The following SYT1 variants were observed in gnomAD, a reference collection of about 807,000 sequenced individuals.
SYT1 encodes synaptotagmin-1.
Under a neutral mutation model 44.8 loss-of-function variants are expected in SYT1, and 8 were observed. The ratio of observed to expected loss-of-function variants is 0.18; its 90% CI spans 0.10 to 0.32. The LOEUF (loss-of-function observed/expected upper bound fraction) is 0.32, where lower values mean the gene tolerates loss of function less well. SYT1 is among the 10% of genes least tolerant of loss of function. SYT1 has a pLI of 1.00. For synonymous variants in SYT1, 154 were observed against 188.8 expected (o/e 0.82, Z 1.51); for missense variants, 286 against 509.3 (o/e 0.56, Z 4.22).
intron 2 of SYT1, among the ~76,000 whole-genome samples, chr12:79,040,559 C>T (rs1873478831): frequency 6.6e-6 from 1 of 151,954 alleles, no homozygotes; most frequent in South Asian, 2.1e-4. Flanking sequence ...AAAATTTTCT[C>T]CCATTTTGTA....
At chr12:79,002,679 T>C (rs1175867014) in intron 2 of SYT1, among the ~76,000 whole-genome samples, 3 of 152,020 alleles carry the variant, frequency 2.0e-5, no homozygotes, top group African/African-American at 7.2e-5. Context: ...ATTGTGAATC[T>C]AGTTTAGCAT....
chr12:79,048,358 G>T (rs918076563), intron 3 of SYT1, among the ~76,000 whole-genome samples: 2 of 151,674 alleles, frequency 1.3e-5, no homozygotes, highest in Non-Finnish European at 3.0e-5. Context: ...TAGCCCCAAA[G>T]AACTTTGATG....
At chr12:79,362,829 A>T (rs1697921168) in intron 9 of SYT1, among the ~76,000 whole-genome samples, 1 of 152,188 alleles carries the variant, frequency 6.6e-6, no homozygotes, top group African/African-American at 2.4e-5. Context: ...GCACCTTTCT[A>T]CTCAAAAATT....
At chr12:79,277,999 T>C (rs1878830486) in intron 4 of SYT1, among the ~76,000 whole-genome samples, 1 of 151,622 alleles carries the variant, frequency 6.6e-6, no homozygotes, top group South Asian at 2.1e-4. Context: ...ACATCAGAGC[T>C]CTCAGATTCA....
At chr12:79,340,108 G>T (rs1473803079) in intron 8 of SYT1, among the ~76,000 whole-genome samples, 2 of 152,170 alleles carry the variant, frequency 1.3e-5, no homozygotes, top group Admixed American at 6.5e-5. Flanking sequence ...GTAGTGTGAT[G>T]CCTCCAGCTT....
At chr12:79,412,086 A>T (rs1868465983) in intron 9 of SYT1, among the ~76,000 whole-genome samples, 1 of 152,144 alleles carries the variant, frequency 6.6e-6, no homozygotes, top group Admixed American at 6.5e-5. Flanking sequence ...GTACACTTGG[A>T]AGAGGGCCAC....
intron 3 of SYT1, among the ~76,000 whole-genome samples, chr12:79,203,710 G>A (rs1287135395): frequency 2.0e-5 from 3 of 152,072 alleles, no homozygotes; most frequent in Admixed American, 1.3e-4. Flanking sequence ...TTAGGTAAAC[G>A]GCCAACAATC....
chr12:79,211,011 G>A (rs1482864926), intron 3 of SYT1, among the ~76,000 whole-genome samples: 1 of 149,638 alleles, frequency 6.7e-6, no homozygotes, highest in Admixed American at 6.7e-5. Context: ...CAGAATAAAA[G>A]TTTTAAAGAT....
chr12:79,028,279 T>C (rs2137658638), intron 2 of SYT1, among the ~76,000 whole-genome samples: 1 of 151,580 alleles, frequency 6.6e-6, no homozygotes, highest in South Asian at 2.1e-4. Flanking sequence ...TCAATACAAA[T>C]CTGTTTTTAA....
At chr12:79,295,622 C>T (rs1442312060) in intron 6 of SYT1, among the ~76,000 whole-genome samples, 1 of 152,192 alleles carries the variant, frequency 6.6e-6, no homozygotes, top group African/African-American at 2.4e-5. Flanking sequence ...AATTTCTACT[C>T]AGCTAGCCTG....
At chr12:79,039,546 T>C (rs1302262911) in intron 2 of SYT1, among the ~76,000 whole-genome samples, 1 of 150,196 alleles carries the variant, frequency 6.7e-6, no homozygotes, top group African/African-American at 2.5e-5. Flanking sequence ...ATTCAGAGCA[T>C]AGATTAAGAA....
rs1165668920 is a variant in SYT1, at chr12:78,931,179, A to AAAAGAAAG, written c.-216-46565_-216-46558dup. Among the ~76,000 whole-genome samples, 451 of 59,808 alleles carry AAAAGAAAG rather than the reference A, an allele frequency of 7.5e-3. 21 individuals are homozygous for AAAAGAAAG. Among genetic ancestry groups the AAAAGAAAG allele is most frequent in the Admixed American group, 0.012 (47 of 3,882 alleles). 39.2% of individuals were successfully genotyped at this position (59,808 alleles called of 152,430 possible). A position where few individuals can be genotyped will look rare whatever the true frequency, so the allele number is the denominator to read the frequency against. On this transcript the variant is annotated intron_variant, in intron 1 of 10. Transcript: ENST00000261205. ...GTCTGTGGAAAGAAAGAAAGAAAGA[A>AAAAGAAAG]AAAGAAAGAAAGAAAGAAAGAAAGA...
At chr12:79,062,007 T>C (rs11610381) in intron 3 of SYT1, among the ~76,000 whole-genome samples, 32,125 of 152,148 alleles carry the variant, frequency 0.21, 3,893 homozygotes, top group African/African-American at 0.32. Context: ...TTTTATGAGC[T>C]TATGCTAGCT....
At chr12:78,968,372 C>T (rs1190793038) in intron 1 of SYT1, among the ~76,000 whole-genome samples, 3 of 151,968 alleles carry the variant, frequency 2.0e-5, no homozygotes, top group Non-Finnish European at 4.4e-5. Flanking sequence ...TTCATACACC[C>T]CTCTAGCCCC....
chr12:79,150,706 A>G (rs1437468301), intron 3 of SYT1, among the ~76,000 whole-genome samples: 1 of 152,228 alleles, frequency 6.6e-6, no homozygotes, highest in Admixed American at 6.5e-5. Context: ...AGTTAAATCA[A>G]CTGCAAGGAA....
Position 79,404,647 on chromosome 12 carries a change from G to A in SYT1, c.929-39426G>A, listed in dbSNP as rs576817966. 1.9e-4 allele frequency among the ~76,000 whole-genome samples: 29 copies of A among 152,298 alleles called. 1 individual carries two copies. The highest frequency in any genetic ancestry group is 6.5e-4 in the African/African-American group (27 of 41,576). On this transcript the variant is annotated intron_variant, in intron 9 of 10. Transcript: ENST00000261205. ...TAAAGCCTACATCCAGGAAGCTTAC[G>A]TGACTTGCGACTTGCGTAGCGTAGG...
chr12:78,961,778 A>G (rs1381373054), intron 1 of SYT1, among the ~76,000 whole-genome samples: 14 of 152,102 alleles, frequency 9.2e-5, no homozygotes, highest in African/African-American at 3.4e-4. Context: ...AACTGGAATA[A>G]TTGTTGAACA....
intron 3 of SYT1, among the ~76,000 whole-genome samples, chr12:79,053,673 A>T (rs925594431): frequency 6.7e-6 from 1 of 150,252 alleles, no homozygotes; most frequent in Non-Finnish European, 1.5e-5. Flanking sequence ...TAAAATTTAT[A>T]TATAAATAAA....
intron 4 of SYT1, among the ~76,000 whole-genome samples, chr12:79,274,870 G>A (rs1878628043): frequency 6.6e-6 from 1 of 152,260 alleles, no homozygotes; most frequent in Non-Finnish European, 1.5e-5. Context: ...CCACACTAAG[G>A]CTATTTATAA....
Sources: allele counts gnomAD v4.1 joint callset (sites outside exome capture counted in the v4.1 genomes callset), GRCh38; gene constraint gnomAD v4.1.1; transcripts MANE v1.5; gene names NCBI Gene and HGNC (gene_info 2026-07-23, HGNC 2026-07-21).